The following ADAMTS20 variants were observed in gnomAD, a reference collection of about 807,000 sequenced individuals.
ADAMTS20 encodes ADAM metallopeptidase with thrombospondin type 1 motif 20, also known as A disintegrin and metalloproteinase with thrombospondin motifs 20.
A neutral mutation model predicts 260.1 loss-of-function variants in ADAMTS20; 225 were observed. That is an observed-to-expected ratio of 0.87 (90% CI 0.78 to 0.97). The LOEUF is 0.97. Among genes scored for constraint, ADAMTS20 ranks in the 50% least tolerant of loss-of-function variants. The pLI is 0.00. For missense variants in ADAMTS20, 2,400 were observed against 2,337.7 expected (o/e 1.03, Z -0.55); for synonymous variants, 802 against 769.5 (o/e 1.04, Z -0.70).
chr12:43,438,667 G>C (rs1208839175), intron 18 of ADAMTS20, among the ~76,000 whole-genome samples: 31 of 152,078 alleles, frequency 2.0e-4, no homozygotes, highest in Non-Finnish European at 1.5e-5. Flanking sequence ...ACCACCTTTG[G>C]TCACCGCCTC....
At chr12:43,500,641 C>T (rs925512303) in intron 4 of ADAMTS20, among the ~76,000 whole-genome samples, 1 of 152,056 alleles carries the variant, frequency 6.6e-6, no homozygotes, top group Non-Finnish European at 1.5e-5. Context: ...GTAAATTTTA[C>T]ACAATTTCAA....
rs781730861 is a variant in ADAMTS20 at position 43,377,542 on chromosome 12, A to G, written c.4818T>C (p.Phe1606=). The change falls in exon 32 of 39, where the codon TTT becomes TTC. Residue 1606 remains phenylalanine (F), a synonymous_variant. Coordinates refer to ENST00000389420, the MANE Select transcript of ADAMTS20 (RefSeq NM_025003.5). ...AATATGTAATCCTTTGTCTGTAACT[A>G]AATCCACAGTTGTTTGCACACTGAA... ...DSSQCANNCG[F]SYRQRITYCT... 1 of 1,612,546 alleles carries G rather than the reference A, an allele frequency of 6.2e-7. No homozygotes were observed. Among genetic ancestry groups the G allele is most frequent in the African/African-American group, 1.3e-5 (1 of 74,886 alleles).
chr12:43,440,706 A>T (rs1003162691), intron 16 of ADAMTS20, among the ~76,000 whole-genome samples: 5 of 152,228 alleles, frequency 3.3e-5, no homozygotes, highest in African/African-American at 1.2e-4. Context: ...CAGCAGACAG[A>T]TTAGTTCAAT....
chr12:43,430,601 TAA>T, intron 22 of ADAMTS20, 130 bp from the exon 23 acceptor site: 1 of 880,646 alleles, frequency 1.1e-6, no homozygotes, highest in Non-Finnish European at 1.6e-6. Flanking sequence ...ATACTAGATT[TAA>T]GACTTAAAAA....
rs1288346620 is a variant in ADAMTS20, at chr12:43,430,402, C to T, written c.3331G>A (p.Val1111Met). Reference sequence around the variant, plus strand: ...TCATGGCATTCTGTGTCCTCTAACACTGCACTAGCTAGCTCATTGACACAT... The same window carrying T: ...TCATGGCATTCTGTGTCCTCTAACATTGCACTAGCTAGCTCATTGACACAT... The part of the protein sequence containing the change: ...VKCVNELASA[V>M]LEDTECHEAS... The change falls in exon 23 of 39, where the codon GTG (valine) becomes ATG (methionine). Residue 1111 changes from valine (V) to methionine (M), a missense_variant. Coordinates refer to ENST00000389420, the MANE Select transcript of ADAMTS20 (RefSeq NM_025003.5). The T allele has an allele frequency of 5.6e-6, 9 of 1,613,074 alleles. No individual in the cohort carries two copies. Among genetic ancestry groups the T allele is most frequent in the Non-Finnish European group, 6.8e-6 (8 of 1,179,452 alleles).
At chr12:43,399,700 A>C (rs1225085065) in intron 28 of ADAMTS20, among the ~76,000 whole-genome samples, 2 of 152,168 alleles carry the variant, frequency 1.3e-5, no homozygotes, top group Admixed American at 1.3e-4. Flanking sequence ...AAACTGATTG[A>C]GAAAGCAGAA....
chr12:43,520,913 C>CA (rs984998133), intron 3 of ADAMTS20, among the ~76,000 whole-genome samples: 1 of 151,768 alleles, frequency 6.6e-6, no homozygotes, highest in Non-Finnish European at 1.5e-5. Flanking sequence ...TGTTTTTTTC[C>CA]ACTTTAAAAA....
chr12:43,468,656 A>G lies in ADAMTS20; in HGVS notation c.1167T>C (p.Ile389=). The G allele has an allele frequency of 1.9e-6, 3 of 1,611,570 alleles. No individual in the cohort carries two copies. The highest frequency in any genetic ancestry group is 2.5e-6 in the Non-Finnish European group (3 of 1,178,756). Residue 389 remains isoleucine (I), a synonymous_variant, in exon 8 of 39, where the codon ATT becomes ATC. Transcript: ENST00000389420. ...TICDPLQSCF[I]NEEKGLISAF... Reference sequence around the variant, plus strand: ...CAGAAATGAGTCCTTTTTCTTCATTAATAAAGCAGCTTTGTAAAGGATCAC... The same window carrying G: ...CAGAAATGAGTCCTTTTTCTTCATTGATAAAGCAGCTTTGTAAAGGATCAC...
Position 43,376,050 on chromosome 12 carries a change from C to G in ADAMTS20, c.5312+7G>C, listed in dbSNP as rs553663599. 7.7e-4 allele frequency: 1,225 copies of G among 1,592,706 alleles called. 17 individuals carry two copies. In the South Asian group the frequency reaches 0.013, roughly 17 times the overall value. On this transcript the variant is annotated splice_region_variant and intron_variant, in intron 35 of 38. Transcript: ENST00000389420. ...AATGCTCAGATAGACCAAAACACAT[C>G]TCGTACCTAAAGCCATACACTTCAG...
chr12:43,546,153 C>T (rs1203864779), intron 2 of ADAMTS20, among the ~76,000 whole-genome samples: 1 of 151,994 alleles, frequency 6.6e-6, no homozygotes, highest in Admixed American at 6.6e-5. Context: ...ACAGTAAAAA[C>T]ACTATTGATA....
intron 23 of ADAMTS20, 26 bp downstream of exon 23, chr12:43,430,326 T>C: frequency 6.3e-7 from 1 of 1,597,620 alleles, no homozygotes. Flanking sequence ...TAAATCTTTT[T>C]GTTTGTAAAC....
At chr12:43,492,026 C>T (rs1051621368) in intron 6 of ADAMTS20, among the ~76,000 whole-genome samples, 5 of 152,098 alleles carry the variant, frequency 3.3e-5, no homozygotes, top group Non-Finnish European at 5.9e-5. Flanking sequence ...TGCTTTTATT[C>T]GATAGTTTCT....
At chr12:43,402,892 T>G (rs2137257421) in intron 28 of ADAMTS20, among the ~76,000 whole-genome samples, 1 of 152,180 alleles carries the variant, frequency 6.6e-6, no homozygotes, top group Admixed American at 6.5e-5. Context: ...TTTCCATGAC[T>G]ACTATGGAGC....
intron 4 of ADAMTS20, among the ~76,000 whole-genome samples, chr12:43,501,506 T>TCACACACAC (rs1491581398): frequency 1.4e-5 from 1 of 71,312 alleles, no homozygotes; most frequent in Non-Finnish European, 2.9e-5. Context: ...CACACACATG[T>TCACACACAC]AAGGATGAAG....
intron 6 of ADAMTS20, among the ~76,000 whole-genome samples, chr12:43,491,670 G>A (rs770034655): frequency 1.3e-5 from 2 of 152,126 alleles, no homozygotes; most frequent in African/African-American, 4.8e-5. Context: ...ATATAAATAA[G>A]TAGGTTTGAG....
chr12:43,440,695 C>G (rs1413113728), intron 16 of ADAMTS20, among the ~76,000 whole-genome samples: 5 of 152,024 alleles, frequency 3.3e-5, no homozygotes, highest in African/African-American at 1.2e-4. Flanking sequence ...AGTCATGACC[C>G]CAGCAGACAG....
In ADAMTS20 at chr12:43,450,541, T is replaced by C. The variant is rs75542234; in HGVS notation, c.2079+1733A>G. 8.3e-3 allele frequency among the ~76,000 whole-genome samples: 1,258 copies of C among 152,280 alleles called. 20 individuals carry two copies. The highest frequency in any genetic ancestry group is 0.028 in the African/African-American group (1,180 of 41,560). On this transcript the variant is annotated intron_variant, in intron 14 of 38. Transcript: ENST00000389420. ...GCCACTGAATAACCTTTTCAGTATTTAAACTGTTTCCGACTTAAATTATTT... is the reference window on the plus strand; with the variant it reads ...GCCACTGAATAACCTTTTCAGTATTCAAACTGTTTCCGACTTAAATTATTT...
At chr12:43,401,040 C>T (rs1183571574) in intron 28 of ADAMTS20, among the ~76,000 whole-genome samples, 1 of 151,666 alleles carries the variant, frequency 6.6e-6, no homozygotes, top group African/African-American at 2.4e-5. Context: ...TAATATTGCA[C>T]TCAATGAAGA....
intron 36 of ADAMTS20, among the ~76,000 whole-genome samples, chr12:43,374,206 T>C (rs1487379604): frequency 1.3e-5 from 2 of 152,050 alleles, no homozygotes; most frequent in Non-Finnish European, 2.9e-5. Flanking sequence ...CTGTAGTAGA[T>C]GGTGGATGTT....
Sources: allele counts gnomAD v4.1 joint callset (sites outside exome capture counted in the v4.1 genomes callset), GRCh38; gene constraint gnomAD v4.1.1; transcripts MANE v1.5; gene names NCBI Gene and HGNC (gene_info 2026-07-23, HGNC 2026-07-21).